Variants in UBASH3A observed in about 807,000 individuals in gnomAD.
UBASH3A encodes the protein ubiquitin associated and SH3 domain containing A.
In UBASH3A, 63 loss-of-function variants were observed where a neutral mutation model predicts 73.5. The ratio of observed to expected loss-of-function variants is 0.86; its 90% confidence interval spans 0.70 to 1.06. UBASH3A has a LOEUF of 1.06. UBASH3A is among the 50% of genes least tolerant of loss of function. The probability of loss-of-function intolerance (pLI) is 0.00; values close to 1 mark genes in which losing one functional copy is unlikely to be tolerated. For missense variants in UBASH3A, 860 were observed against 859.0 expected (o/e 1.00, Z -0.02); for synonymous variants, 363 against 351.1 (o/e 1.03, Z -0.38).
In UBASH3A at chr21:42,447,204, T is replaced by G; in HGVS notation, c.*10T>G. On this transcript the variant is annotated 3_prime_UTR_variant, in exon 15 of 15. Transcript: ENST00000319294. ...GATCTCAGGCAACTGAGAGCCACGG[T>G]GATGTTGTCATAACCTCAGAGTGGA... 1 of 1,613,078 alleles carries G rather than the reference T, an allele frequency of 6.2e-7. No individual in the cohort carries two copies. The highest frequency in any genetic ancestry group is 8.5e-7 in the Non-Finnish European group (1 of 1,179,624).
Position 42,413,088 on chromosome 21 carries a change from G to T in UBASH3A, c.419G>T (p.Gly140Val), listed in dbSNP as rs1692003786. 1.2e-6 allele frequency: 2 copies of T among 1,614,092 alleles called. No homozygotes were observed. The highest frequency in any genetic ancestry group is 2.2e-5 in the South Asian group (2 of 91,090). ...ALKRAGDRLL[G>V]SFPTAVPLAL... ...AAGAGAGCTGGAGACAGGCTCCTGG[G>T]CTCCTTCCCCACGGCCGTGCCTCTG... The change falls in exon 4 of 15, where the codon GGC becomes GTC. Residue 140 changes from glycine to valine, a missense_variant. Gly to Val is a moderately radical substitution (Grantham distance 109). Coordinates refer to ENST00000319294, the MANE Select transcript of UBASH3A (RefSeq NM_018961.4). This position sits in a 1 kb window ranked among gnomAD's most constrained non-coding sequence, Gnocchi z 4.5.
Position 42,437,714 on chromosome 21 carries a change from C to T in UBASH3A, c.1486+134C>T, listed in dbSNP as rs1215192070. On this transcript the variant is annotated intron_variant, in intron 11 of 14. Transcript: ENST00000319294. ...CCACACCAAAGTCATCAGGCAAGTA[C>T]GAGCCAGCCCTCCAAGGATGCTGGC... is the stretch of plus-strand genomic sequence containing the variant. 2.6e-5 allele frequency: 20 copies of T among 758,598 alleles called. 1 individual carries two copies. Among genetic ancestry groups the T allele is most frequent in the Middle Eastern group, 3.6e-4 (1 of 2,808 alleles). The allele number at this position is 758,598 out of a possible 1,614,324, so 47.0% of individuals were successfully genotyped here. A position where few individuals can be genotyped will look rare whatever the true frequency, so the allele number is the denominator to read the frequency against.
intron 7 of UBASH3A, among the ~76,000 whole-genome samples, chr21:42,422,793 A>G (rs577458672): frequency 2.6e-4 from 40 of 152,328 alleles, no homozygotes; most frequent in African/African-American, 9.6e-4. Flanking sequence ...GGAAGGGGAG[A>G]GAAACACATA....
chr21:42,446,162 AC>A (rs2053840826), intron 14 of UBASH3A, among the ~76,000 whole-genome samples: 1 of 151,596 alleles, frequency 6.6e-6, no homozygotes, highest in Non-Finnish European at 1.5e-5. Flanking sequence ...TGGACCCTTC[AC>A]CCCCTTCCAT....
chr21:42,425,066 T>C (rs993919774), intron 7 of UBASH3A, among the ~76,000 whole-genome samples: 2 of 152,146 alleles, frequency 1.3e-5, no homozygotes, highest in Non-Finnish European at 2.9e-5. Flanking sequence ...TGTGGGACTT[T>C]GTTATGGCCG....
At chr21:42,440,385 C>A (rs2053720258) in intron 11 of UBASH3A, among the ~76,000 whole-genome samples, 1 of 152,160 alleles carries the variant, frequency 6.6e-6, no homozygotes, top group Admixed American at 6.5e-5. Flanking sequence ...CAATTTCATC[C>A]CTGGTTGTTT....
chr21:42,406,719 T>G (rs1279979065), intron 2 of UBASH3A, among the ~76,000 whole-genome samples: 3 of 150,972 alleles, frequency 2.0e-5, no homozygotes, highest in African/African-American at 7.3e-5. Flanking sequence ...AGGGTAATTG[T>G]TAGAATAAAG....
intron 7 of UBASH3A, among the ~76,000 whole-genome samples, chr21:42,422,245 T>C (rs1356145456): frequency 6.6e-6 from 1 of 152,240 alleles, no homozygotes; most frequent in Non-Finnish European, 1.5e-5. Flanking sequence ...AAATGTGGGA[T>C]GAAAAATGCA....
At chr21:42,439,167 T>C (rs1206570720) in intron 11 of UBASH3A, among the ~76,000 whole-genome samples, 5 of 152,200 alleles carry the variant, frequency 3.3e-5, no homozygotes, top group Non-Finnish European at 5.9e-5. Context: ...TCATCATTCC[T>C]GTCCTGTGCT....
intron 9 of UBASH3A, 102 bp from the exon 10 acceptor site, chr21:42,434,730 A>G: frequency 7.7e-7 from 1 of 1,292,782 alleles, no homozygotes; most frequent in Non-Finnish European, 1.1e-6. Flanking sequence ...TAATTTCAAT[A>G]ATAACATTGC....
intron 8 of UBASH3A, 91 bp downstream of exon 8, chr21:42,426,911 G>A (rs1180692381): frequency 5.4e-6 from 8 of 1,493,798 alleles, no homozygotes; most frequent in Middle Eastern, 1.8e-4. Context: ...CGTAGGTGTA[G>A]CTTTTGTTCC....
chr21:42,404,080 C>CG lies in UBASH3A; in HGVS notation c.113+26dup, dbSNP rs577868199. 264 of 1,370,146 alleles carry CG rather than the reference C, an allele frequency of 1.9e-4. No homozygotes were observed. The African/African-American group carries it at 3.3e-3, about 17-fold the overall frequency. The allele number at this position is 1,370,146 out of a possible 1,614,324, so 84.9% of individuals were successfully genotyped here. A position where few individuals can be genotyped will look rare whatever the true frequency, so the allele number is the denominator to read the frequency against. On this transcript the variant is annotated intron_variant, in intron 1 of 14. Coordinates refer to ENST00000319294, the MANE Select transcript of UBASH3A (RefSeq NM_018961.4). ...CCGCGTGAGTACTGCCCAGAGACCCCGGGGCCCAGCCAGTAAGGCTGGTGC... is the reference window on the plus strand; with the variant it reads ...CCGCGTGAGTACTGCCCAGAGACCCCGGGGGCCCAGCCAGTAAGGCTGGTGC...
intron 7 of UBASH3A, among the ~76,000 whole-genome samples, chr21:42,423,484 G>A (rs142294014): frequency 1.4e-3 from 218 of 152,330 alleles, no homozygotes; most frequent in African/African-American, 5.0e-3. Flanking sequence ...GAATAGAGAG[G>A]AGATGCTGGC....
intron 7 of UBASH3A, among the ~76,000 whole-genome samples, chr21:42,426,081 G>A (rs2053429134): frequency 6.6e-6 from 1 of 152,158 alleles, no homozygotes; most frequent in Non-Finnish European, 1.5e-5. Context: ...GCTGGCAGAT[G>A]GGAGACCCTG....
At chr21:42,404,880 C>T (rs985481947) in intron 1 of UBASH3A, among the ~76,000 whole-genome samples, 2 of 152,210 alleles carry the variant, frequency 1.3e-5, no homozygotes, top group Admixed American at 1.3e-4. Flanking sequence ...AGTTACCACT[C>T]TCGGAGAGGG....
chr21:42,432,262 T>C, intron 9 of UBASH3A, 60 bp downstream of exon 9: 1 of 1,132,460 alleles, frequency 8.8e-7, no homozygotes, highest in South Asian at 1.3e-5. Flanking sequence ...CAATGAGATC[T>C]CCTTCTTAAT....
intron 5 of UBASH3A, among the ~76,000 whole-genome samples, chr21:42,415,004 G>T (rs1431027011): frequency 6.6e-6 from 1 of 152,146 alleles, no homozygotes; most frequent in African/African-American, 2.4e-5. Context: ...GCCCTTCCAT[G>T]GCCCATGCTC....
chr21:42,424,332 C>T (rs574647849), intron 7 of UBASH3A, among the ~76,000 whole-genome samples: 1 of 152,184 alleles, frequency 6.6e-6, no homozygotes, highest in Non-Finnish European at 1.5e-5. Flanking sequence ...ATTAACACAC[C>T]AGTCACCCAT....
intron 7 of UBASH3A, among the ~76,000 whole-genome samples, chr21:42,419,436 G>A (rs748915255): frequency 7.2e-5 from 11 of 152,112 alleles, no homozygotes; most frequent in African/African-American, 1.9e-4. Flanking sequence ...CAACATCATC[G>A]CTTACAAGTC....
Sources: allele counts gnomAD v4.1 joint callset (sites outside exome capture counted in the v4.1 genomes callset), GRCh38; gene constraint gnomAD v4.1.1; non-coding constraint Gnocchi (gnomAD v3.1); transcripts MANE v1.5; gene names NCBI Gene and HGNC (gene_info 2026-07-23, HGNC 2026-07-21).